Variants in TIAM1 observed in about 807,000 individuals in gnomAD.
TIAM1 encodes TIAM Rac1 associated GEF 1, also known as rho guanine nucleotide exchange factor TIAM1.
A neutral mutation model predicts 163.5 loss-of-function variants in TIAM1; 65 were observed. That is an observed-to-expected ratio of 0.40 (90% CI 0.33 to 0.49). TIAM1 has a LOEUF of 0.49. Ranked by LOEUF, TIAM1 falls within the 20% of genes least tolerant of loss-of-function variation. The pLI is 0.77. For synonymous variants in TIAM1, 833 were observed against 810.1 expected (o/e 1.03, Z -0.48); for missense variants, 1,789 against 2,044.7 (o/e 0.87, Z 2.41).
chr21:31,505,795 G>A (rs939121209), intron 1 of TIAM1, among the ~76,000 whole-genome samples: 11 of 151,858 alleles, frequency 7.2e-5, no homozygotes, highest in African/African-American at 2.4e-5. Flanking sequence ...ACCTGAGGTC[G>A]GGAGTTCGAG....
At chr21:31,509,189 C>T (rs1421718494) in intron 1 of TIAM1, among the ~76,000 whole-genome samples, 1 of 152,164 alleles carries the variant, frequency 6.6e-6, no homozygotes, top group Non-Finnish European at 1.5e-5. Context: ...GACTACCCGA[C>T]AAACCCTACC....
At chr21:31,308,925 T>C (rs2074819688) in intron 2 of TIAM1, among the ~76,000 whole-genome samples, 1 of 152,128 alleles carries the variant, frequency 6.6e-6, no homozygotes, top group African/African-American at 2.4e-5. Context: ...GGGGGGTTAG[T>C]GCTGATGCAG....
At chr21:31,245,281 G>A (rs1487556122) in intron 6 of TIAM1, among the ~76,000 whole-genome samples, 1 of 148,250 alleles carries the variant, frequency 6.7e-6, no homozygotes, top group African/African-American at 2.5e-5. Context: ...GAAAACTTCT[G>A]AATGTACCTA....
chr21:31,204,766 C>A (rs1463221256), intron 11 of TIAM1, among the ~76,000 whole-genome samples: 1 of 152,212 alleles, frequency 6.6e-6, no homozygotes, highest in Admixed American at 6.5e-5. Context: ...GCAGGACAGG[C>A]AACCTGCATT....
intron 2 of TIAM1, among the ~76,000 whole-genome samples, chr21:31,329,338 A>G (rs897974126): frequency 1.3e-5 from 2 of 152,264 alleles, no homozygotes; most frequent in Admixed American, 6.5e-5. Flanking sequence ...ACCCGCAAGA[A>G]GAAACGCTGA....
rs1417510013 is a variant in TIAM1, at chr21:31,532,697, G to A, written c.-422+26230C>T. ...ACTCTAGCTTCAAACACGCTTTGTG[G>A]GGTGAAGGGGCCCATTAAAATTAAG... On this transcript the variant is annotated intron_variant, in intron 1 of 28. Transcript: ENST00000286827. Among the ~76,000 whole-genome samples the A allele has an allele frequency of 2.6e-5, 4 of 152,258 alleles. No homozygotes were observed. In the East Asian group the frequency reaches 7.7e-4, roughly 29 times the overall value.
intron 2 of TIAM1, among the ~76,000 whole-genome samples, chr21:31,310,022 A>G (rs1267253354): frequency 6.6e-6 from 1 of 152,206 alleles, no homozygotes; most frequent in Non-Finnish European, 1.5e-5. Flanking sequence ...TTCCTAATAG[A>G]TACACTTCAC....
At chr21:31,378,040 G>T (rs893741724) in intron 2 of TIAM1, among the ~76,000 whole-genome samples, 4 of 151,080 alleles carry the variant, frequency 2.6e-5, no homozygotes, top group Non-Finnish European at 5.9e-5. Flanking sequence ...GGAGGCTGAG[G>T]CAGGAGAATC....
At chr21:31,418,341 CAA>C (rs71193114) in intron 2 of TIAM1, among the ~76,000 whole-genome samples, 23 of 34,730 alleles carry the variant, frequency 6.6e-4, no homozygotes, top group African/African-American at 1.7e-3. Context: ...GACTCTGTCT[CAA>C]AAAAAAAAAA....
In TIAM1 at chr21:31,452,474, G is replaced by T; in HGVS notation, c.-369+11509C>A. ...GAAAGGTTATAAGCGCCATGGCTAT[G>T]ACTAGTGTCAAATTGCTTGCCATTG... is the stretch of plus-strand genomic sequence containing the variant. On this transcript the variant is annotated intron_variant, in intron 2 of 28. Transcript: ENST00000286827. 4 of 533,066 alleles carry T rather than the reference G, an allele frequency of 7.5e-6. No individual in the cohort carries two copies. In the South Asian group the frequency reaches 8.1e-5, roughly 11 times the overall value. The allele number at this position is 533,066 out of a possible 1,614,324, so 33.0% of individuals were successfully genotyped here.
intron 1 of TIAM1, among the ~76,000 whole-genome samples, chr21:31,504,810 C>A (rs2046973575): frequency 6.6e-6 from 1 of 152,054 alleles, no homozygotes; most frequent in African/African-American, 2.4e-5. Context: ...TGCTAATAAC[C>A]ACTGTTACTA....
Position 31,118,729 on chromosome 21 carries a change from A to G in TIAM1, c.*1639T>C, listed in dbSNP as rs916669444. ...AATGCAGTGATACAAAGGGTATAGA[A>G]ACCATTCTAAAGCTTTTTCAGAAAA... is the stretch of plus-strand genomic sequence containing the variant. On this transcript the variant is annotated 3_prime_UTR_variant, in exon 28 of 28. Coordinates refer to ENST00000541036, the MANE Select transcript of TIAM1 (RefSeq NM_001353694.2). The G allele has an allele frequency of 9.4e-6, 4 of 425,564 alleles. No homozygotes were observed. Among genetic ancestry groups the G allele is most frequent in the African/African-American group, 8.4e-5 (4 of 47,476 alleles). 26.4% of individuals were successfully genotyped at this position (425,564 alleles called of 1,614,324 possible).
In TIAM1 at chr21:31,213,490, C is replaced by T; in HGVS notation, c.2143-18G>A. On this transcript the variant is annotated intron_variant, in intron 9 of 27. Transcript: ENST00000541036. The stretch of plus-strand genomic sequence containing the variant: ...CCAAACACCTGCATATACAAAAGTA[C>T]CACCTTAAAAAGGAATCTGGGCAAC... 1 of 1,612,736 alleles carries T rather than the reference C, an allele frequency of 6.2e-7. No individual in the cohort carries two copies. Among genetic ancestry groups the T allele is most frequent in the Non-Finnish European group, 8.5e-7 (1 of 1,179,100 alleles).
intron 2 of TIAM1, among the ~76,000 whole-genome samples, chr21:31,338,343 A>C (rs1046389453): frequency 6.6e-6 from 1 of 152,160 alleles, no homozygotes; most frequent in Non-Finnish European, 1.5e-5. Flanking sequence ...TATTGTGTTC[A>C]ATTTCTGGAC....
At chr21:31,546,156 C>A (rs1324642508) in intron 1 of TIAM1, among the ~76,000 whole-genome samples, 4 of 147,574 alleles carry the variant, frequency 2.7e-5, no homozygotes, top group African/African-American at 1.0e-4. Flanking sequence ...TTCTGGCACA[C>A]TTTATGTAAT....
In TIAM1 at chr21:31,387,191, T is replaced by TTC. The variant is rs201256004; in HGVS notation, c.-368-47771_-368-47770dup. On this transcript the variant is annotated intron_variant, in intron 2 of 28. Coordinates refer to the TIAM1 transcript ENST00000286827. ...CAGGGCTTTTGTTTGTAGAAGCTTA[T>TTC]TCTCTTTTTTTTTTTTTTTTTTTTT... Among the ~76,000 whole-genome samples, 762 of 120,956 alleles carry TTC rather than the reference T, an allele frequency of 6.3e-3. 24 individuals are homozygous for TTC. Among genetic ancestry groups the TTC allele is most frequent in the Middle Eastern group, 0.023 (5 of 220 alleles). 79.4% of individuals were successfully genotyped at this position (120,956 alleles called of 152,430 possible). A position where few individuals can be genotyped will look rare whatever the true frequency, so the allele number is the denominator to read the frequency against.
chr21:31,266,734 C>T lies in TIAM1; in HGVS notation c.239G>A (p.Gly80Asp), dbSNP rs770842939. The change falls in exon 4 of 28, where the codon GGT becomes GAT. Residue 80 changes from glycine to aspartate, a missense_variant. Transcript: ENST00000541036. The stretch of plus-strand genomic sequence containing the variant: ...GGGGCTCCCGAAGTCTTCTAGGGTA[C>T]CATCTTGGGAGAAGGGCTCCAGGCC... ...ENGLEPFSQD[G>D]TLEDFGSPIW... The T allele has an allele frequency of 1.9e-6, 3 of 1,614,200 alleles. No individual in the cohort carries two copies. The Admixed American group carries it at 5.0e-5, about 27-fold the overall frequency.
At chr21:31,378,838 A>C (rs769034392) in intron 2 of TIAM1, among the ~76,000 whole-genome samples, 9 of 152,194 alleles carry the variant, frequency 5.9e-5, no homozygotes, top group Non-Finnish European at 1.5e-5. Flanking sequence ...ACTATTCCCT[A>C]AATAATGCAG....
chr21:31,299,306 C>T (rs906089705), intron 2 of TIAM1, among the ~76,000 whole-genome samples: 3 of 152,166 alleles, frequency 2.0e-5, no homozygotes, highest in African/African-American at 7.2e-5. Flanking sequence ...AAGTTGTAAA[C>T]CTGGCCATGC....
Sources: gnomAD v4.1 joint callset for allele counts (sites outside exome capture counted in the v4.1 genomes callset) on GRCh38, gnomAD v4.1.1 for gene constraint, MANE v1.5 for transcripts, NCBI Gene and HGNC (gene_info 2026-07-23, HGNC 2026-07-21) for gene names.